The following HTR1F variants were observed in gnomAD, a reference collection of about 807,000 sequenced individuals.
HTR1F encodes the protein 5-hydroxytryptamine (serotonin) receptor 1F, G protein-coupled.
A neutral mutation model predicts 24.0 loss-of-function variants in HTR1F; 17 were observed. The observed-to-expected ratio is 0.71, with a 90% CI of 0.48 to 1.06. The LOEUF is 1.06. HTR1F is among the 50% of genes least tolerant of loss of function. The pLI is 0.00. For synonymous variants in HTR1F, 186 were observed against 156.8 expected (o/e 1.19, Z -1.39); for missense variants, 391 against 427.8 (o/e 0.91, Z 0.76).
intron 2 of HTR1F, among the ~76,000 whole-genome samples, chr3:87,876,851 C>T (rs1009898296): frequency 1.3e-5 from 2 of 152,018 alleles, no homozygotes; most frequent in Admixed American, 6.6e-5. Context: ...TATTCATTCC[C>T]CTCCTTTTCA....
chr3:87,878,980 T>A (rs1386346921), intron 2 of HTR1F, among the ~76,000 whole-genome samples: 1 of 152,200 alleles, frequency 6.6e-6, no homozygotes, highest in Non-Finnish European at 1.5e-5. Flanking sequence ...GTTATGTATA[T>A]GTAAATATAG....
intron 2 of HTR1F, among the ~76,000 whole-genome samples, chr3:87,930,751 T>C (rs1704243134): frequency 6.6e-6 from 1 of 152,156 alleles, no homozygotes; most frequent in South Asian, 2.1e-4. Flanking sequence ...ATCAATCATA[T>C]ATGTAAAATA....
chr3:87,855,629 C>G (rs1705182355), intron 2 of HTR1F, among the ~76,000 whole-genome samples: 1 of 152,008 alleles, frequency 6.6e-6, no homozygotes, highest in Non-Finnish European at 1.5e-5. Context: ...GTTGTTCTGT[C>G]TTATCTGCAG....
chr3:87,852,495 C>A (rs966354110), intron 2 of HTR1F, among the ~76,000 whole-genome samples: 2 of 151,738 alleles, frequency 1.3e-5, no homozygotes, highest in African/African-American at 4.8e-5. Flanking sequence ...ATATATTTAT[C>A]AAATAAATCA....
intron 2 of HTR1F, among the ~76,000 whole-genome samples, chr3:87,937,879 G>T (rs372628223): frequency 6.6e-6 from 1 of 150,594 alleles, no homozygotes; most frequent in South Asian, 2.1e-4. Context: ...AGCCGAGATC[G>T]TGCCACTGCA....
intron 2 of HTR1F, among the ~76,000 whole-genome samples, chr3:87,952,368 A>C (rs1434157406): frequency 6.6e-6 from 1 of 152,058 alleles, no homozygotes; most frequent in Admixed American, 6.6e-5. Context: ...AGGCTACCAG[A>C]ATTGCAGAAT....
intron 1 of HTR1F, among the ~76,000 whole-genome samples, chr3:87,803,603 T>C (rs1704028730): frequency 6.6e-6 from 1 of 152,174 alleles, no homozygotes; most frequent in Non-Finnish European, 1.5e-5. Context: ...CAGCATCTAA[T>C]TTGACATAAG....
At chr3:87,979,527 T>G (rs1469177189) in intron 2 of HTR1F, among the ~76,000 whole-genome samples, 1 of 152,198 alleles carries the variant, frequency 6.6e-6, no homozygotes, top group Non-Finnish European at 1.5e-5. Flanking sequence ...AATCCACTAG[T>G]ACTCACCCTT....
intron 2 of HTR1F, among the ~76,000 whole-genome samples, chr3:87,978,252 T>C (rs917592562): frequency 2.0e-5 from 3 of 152,128 alleles, no homozygotes; most frequent in Non-Finnish European, 2.9e-5. Flanking sequence ...TCATCTCGAG[T>C]GCACCACTCC....
chr3:87,948,774 C>A (rs1345731279), intron 2 of HTR1F, among the ~76,000 whole-genome samples: 3 of 152,156 alleles, frequency 2.0e-5, no homozygotes, highest in Non-Finnish European at 4.4e-5. Flanking sequence ...CCATCGTGCC[C>A]AGTCTTTTTT....
intron 2 of HTR1F, among the ~76,000 whole-genome samples, chr3:87,921,422 TTAAAA>T (rs1435554378): frequency 6.6e-6 from 1 of 151,980 alleles, no homozygotes; most frequent in Non-Finnish European, 1.5e-5. Flanking sequence ...ACATTTTAAC[TTAAAA>T]TATAACATGC....
At chr3:87,988,869 G>A (rs928978217) in intron 2 of HTR1F, among the ~76,000 whole-genome samples, 10 of 152,020 alleles carry the variant, frequency 6.6e-5, no homozygotes, top group South Asian at 2.1e-4. Flanking sequence ...ATGAGCTACC[G>A]GGCCTGGTTC....
chr3:87,953,837 T>C lies in HTR1F; in HGVS notation c.-42-36871T>C, dbSNP rs144371658. ...AAGAAAATGTGGTAAATATACATAA[T>C]GGACCATTATTCAGTCATTAAAAGA... On this transcript the variant is annotated intron_variant, in intron 2 of 2. Transcript: ENST00000319595. Among the ~76,000 whole-genome samples the C allele has an allele frequency of 3.4e-4, 51 of 151,950 alleles. 1 individual carries two copies. In the East Asian group the frequency reaches 8.9e-3, roughly 26 times the overall value.
At chr3:87,951,344 C>A (rs1011825653) in intron 2 of HTR1F, among the ~76,000 whole-genome samples, 1 of 152,060 alleles carries the variant, frequency 6.6e-6, no homozygotes, top group African/African-American at 2.4e-5. Flanking sequence ...CATTTTAGTT[C>A]ATCTTCTTAG....
intron 2 of HTR1F, among the ~76,000 whole-genome samples, chr3:87,957,179 A>T (rs548339898): frequency 1.3e-5 from 2 of 151,316 alleles, no homozygotes; most frequent in Non-Finnish European, 3.0e-5. Context: ...AAATTCAATC[A>T]GATGGACTTT....
intron 2 of HTR1F, among the ~76,000 whole-genome samples, chr3:87,887,311 T>C (rs1435605835): frequency 2.6e-5 from 4 of 152,184 alleles, no homozygotes; most frequent in African/African-American, 7.2e-5. Flanking sequence ...TTACACCTTA[T>C]ACAAAAATTA....
chr3:87,920,941 T>A (rs1704000623), intron 2 of HTR1F, among the ~76,000 whole-genome samples: 1 of 152,090 alleles, frequency 6.6e-6, no homozygotes, highest in African/African-American at 2.4e-5. Context: ...GCTTCTCCTC[T>A]TTCTTTCTGA....
intron 2 of HTR1F, among the ~76,000 whole-genome samples, chr3:87,831,736 A>G (rs1704584895): frequency 6.6e-6 from 1 of 152,214 alleles, no homozygotes; most frequent in African/African-American, 2.4e-5. Context: ...GAAATCTTAT[A>G]CTAATATTAT....
intron 1 of HTR1F, among the ~76,000 whole-genome samples, chr3:87,809,427 T>C (rs1270000362): frequency 6.6e-6 from 1 of 151,990 alleles, no homozygotes; most frequent in Non-Finnish European, 1.5e-5. Context: ...GTTTAAATAT[T>C]TTCAGTTGAT....
Sources: gnomAD v4.1 joint callset for allele counts (sites outside exome capture counted in the v4.1 genomes callset) on GRCh38, gnomAD v4.1.1 for gene constraint, MANE v1.5 for transcripts, NCBI Gene and HGNC (gene_info 2026-07-23, HGNC 2026-07-21) for gene names.